The following NR3C1 variants were observed in gnomAD, a reference collection of about 807,000 sequenced individuals.
NR3C1 encodes the protein nuclear receptor subfamily 3 group C member 1.
A neutral mutation model predicts 74.0 loss-of-function variants in NR3C1; 14 were observed. The ratio of observed to expected loss-of-function variants is 0.19; its 90% confidence interval spans 0.12 to 0.30. The LOEUF is 0.30. Among genes scored for constraint, NR3C1 ranks in the 10% least tolerant of loss-of-function variants. The pLI, the probability that NR3C1 is intolerant of heterozygous loss-of-function variation, is 1.00. For synonymous variants in NR3C1, 308 were observed against 332.5 expected (o/e 0.93, Z 0.80); for missense variants, 695 against 909.8 (o/e 0.76, Z 3.04).
At chr5:143,417,826 A>G (rs529423329) in intron 1 of NR3C1, among the ~76,000 whole-genome samples, 1 of 152,316 alleles carries the variant, frequency 6.6e-6, no homozygotes, top group South Asian at 2.1e-4. Flanking sequence ...AATTTTCACT[A>G]TATGATTTAT....
chr5:143,341,531 C>T (rs972804527), intron 2 of NR3C1, among the ~76,000 whole-genome samples: 3 of 152,298 alleles, frequency 2.0e-5, no homozygotes, highest in African/African-American at 7.2e-5. Flanking sequence ...ATACATGGCT[C>T]ATAACTACCC....
At chr5:143,423,821 T>A (rs1751365632) in intron 1 of NR3C1, among the ~76,000 whole-genome samples, 1 of 152,040 alleles carries the variant, frequency 6.6e-6, no homozygotes. Context: ...TGGATGGAAC[T>A]GGAGGACATT....
chr5:143,308,062 G>A (rs994702158), intron 4 of NR3C1, among the ~76,000 whole-genome samples: 1 of 152,122 alleles, frequency 6.6e-6, no homozygotes. Flanking sequence ...GTGGTTTGGG[G>A]AATTAGACTC....
At position 143,361,228 on chromosome 5, in the gene NR3C1, G is replaced by A. The variant is rs10038827; in HGVS notation, c.1184+38428C>T. Among the ~76,000 whole-genome samples, 678 of 152,148 alleles carry A rather than the reference G, an allele frequency of 4.5e-3. 2 individuals carry two copies. The highest frequency in any genetic ancestry group is 0.016 in the African/African-American group (645 of 41,506). On this transcript the variant is annotated intron_variant, in intron 2 of 8. Transcript: ENST00000394464. The stretch of plus-strand genomic sequence containing the variant: ...AGACAAAATAGGTAGCAGCAACACT[G>A]GCATTAACTTCATTAGATTGAAACC...
chr5:143,405,949 C>G (rs1344434847), upstream of NR3C1, among the ~76,000 whole-genome samples: 1 of 152,010 alleles, frequency 6.6e-6, no homozygotes, highest in Non-Finnish European at 1.5e-5. Flanking sequence ...TAATTTGGCC[C>G]CTAAACTACC....
At chr5:143,395,026 T>C (rs1396641077) in intron 2 of NR3C1, among the ~76,000 whole-genome samples, 1 of 151,980 alleles carries the variant, frequency 6.6e-6, no homozygotes, top group African/African-American at 2.4e-5. Flanking sequence ...CAATTAGGTG[T>C]CTGGGGGTTA....
chr5:143,367,152 A>T (rs1405600174), intron 2 of NR3C1, among the ~76,000 whole-genome samples: 2 of 152,206 alleles, frequency 1.3e-5, no homozygotes, highest in Non-Finnish European at 2.9e-5. Flanking sequence ...AGACCAGAAA[A>T]ACACACAAAA....
chr5:143,422,817 C>T (rs1751305142), intron 1 of NR3C1, among the ~76,000 whole-genome samples: 1 of 152,206 alleles, frequency 6.6e-6, no homozygotes, highest in African/African-American at 2.4e-5. Context: ...AGTAAGAGTG[C>T]TTATCTCATA....
chr5:143,348,438 C>T lies in NR3C1; in HGVS notation c.1185-34270G>A, dbSNP rs577103799. Reference sequence around the variant, plus strand: ...ATCCACACTTGCTTTCCTATCGATTCGTGGATAAGCACAGAATAGCAAAAA... The same window carrying T: ...ATCCACACTTGCTTTCCTATCGATTTGTGGATAAGCACAGAATAGCAAAAA... On this transcript the variant is annotated intron_variant, in intron 2 of 8. Coordinates refer to ENST00000394464, the MANE Select transcript of NR3C1 (RefSeq NM_000176.3). Among the ~76,000 whole-genome samples the T allele has an allele frequency of 4.6e-5, 7 of 152,270 alleles. No homozygotes were observed. In the East Asian group the frequency reaches 1.2e-3, roughly 25 times the overall value.
chr5:143,298,778 G>A lies in NR3C1; in HGVS notation c.1782C>T (p.Thr594=). 3 of 1,613,566 alleles carry A rather than the reference G, an allele frequency of 1.9e-6. No homozygotes were observed. The highest frequency in any genetic ancestry group is 2.7e-5 in the African/African-American group (2 of 74,930). ...FRNLHLDDQM[T]LLQYSWMFLM... Reference sequence around the variant, plus strand: ...GAAACATCCAGGAGTACTGCAGTAGGGTCATTTGGTCATCCAGGTGTAAGT... The same window carrying A: ...GAAACATCCAGGAGTACTGCAGTAGAGTCATTTGGTCATCCAGGTGTAAGT... The change falls in exon 6 of 9, where the codon ACC becomes ACT. Residue 594 remains threonine, a synonymous_variant. Coordinates refer to ENST00000394464, the MANE Select transcript of NR3C1 (RefSeq NM_000176.3).
At chr5:143,380,646 G>A (rs1231947201) in intron 2 of NR3C1, among the ~76,000 whole-genome samples, 1 of 148,904 alleles carries the variant, frequency 6.7e-6, no homozygotes, top group South Asian at 2.2e-4. Context: ...AGAGGAACTT[G>A]TGTGGATTAT....
chr5:143,413,475 C>G (rs1411164814), intron 1 of NR3C1, among the ~76,000 whole-genome samples: 1 of 152,068 alleles, frequency 6.6e-6, no homozygotes, highest in Non-Finnish European at 1.5e-5. Context: ...AGTTTAATTT[C>G]AGGAGGCATG....
At chr5:143,407,578 G>A (rs1390908388), upstream of NR3C1, among the ~76,000 whole-genome samples, 1 of 152,200 alleles carries the variant, frequency 6.6e-6, no homozygotes, top group Non-Finnish European at 1.5e-5. Flanking sequence ...TATCACTAGT[G>A]CATAGTTGGT....
chr5:143,311,248 C>T (rs1428183406), intron 3 of NR3C1, among the ~76,000 whole-genome samples: 1 of 151,966 alleles, frequency 6.6e-6, no homozygotes, highest in Non-Finnish European at 1.5e-5. Flanking sequence ...GGTTATAATA[C>T]AAAAAAGTTA....
At chr5:143,293,152 G>C (rs567890010) in intron 7 of NR3C1, among the ~76,000 whole-genome samples, 2 of 152,202 alleles carry the variant, frequency 1.3e-5, no homozygotes, top group Admixed American at 1.3e-4. Context: ...TCAACGAGTG[G>C]ATAAAGAAAA....
chr5:143,379,372 C>A (rs904750108), intron 2 of NR3C1, among the ~76,000 whole-genome samples: 4 of 152,160 alleles, frequency 2.6e-5, no homozygotes, highest in African/African-American at 9.7e-5. Flanking sequence ...AGTGATGGAG[C>A]TGGAATCTGA....
At chr5:143,335,338 C>T (rs1826921734) in intron 2 of NR3C1, among the ~76,000 whole-genome samples, 1 of 152,180 alleles carries the variant, frequency 6.6e-6, no homozygotes, top group African/African-American at 2.4e-5. Flanking sequence ...AATCCGTAGT[C>T]TACTCTAAGA....
chr5:143,311,685 T>G (rs1185921126), intron 3 of NR3C1, among the ~76,000 whole-genome samples: 8 of 152,140 alleles, frequency 5.3e-5, no homozygotes, highest in Non-Finnish European at 8.8e-5. Flanking sequence ...CTTGCTACGT[T>G]GCCTAGGCTG....
At chr5:143,328,136 C>T (rs72801064) in intron 2 of NR3C1, among the ~76,000 whole-genome samples, 2,471 of 152,348 alleles carry the variant, frequency 0.016, 33 homozygotes, top group African/African-American at 0.026. Flanking sequence ...TTGTCTTCTG[C>T]GCACCTGCAG....
Sources: gnomAD v4.1 joint callset for allele counts (sites outside exome capture counted in the v4.1 genomes callset) on GRCh38, gnomAD v4.1.1 for gene constraint, MANE v1.5 for transcripts, NCBI Gene and HGNC (gene_info 2026-07-23, HGNC 2026-07-21) for gene names.